Variants in KRI1 observed in about 807,000 individuals in gnomAD.
KRI1 encodes the protein KRI1 homolog, also known as protein KRI1 homolog.
A neutral mutation model predicts 97.0 loss-of-function variants in KRI1; 83 were observed. The ratio of observed to expected loss-of-function variants is 0.86; its 90% CI spans 0.72 to 1.03. The LOEUF (loss-of-function observed/expected upper bound fraction) is 1.03. Ranked by LOEUF, KRI1 falls within the 50% of genes least tolerant of loss-of-function variation. The pLI is 0.00. For synonymous variants in KRI1, 371 were observed against 363.5 expected, an observed-to-expected ratio of 1.02 and a Z score of -0.23; for missense variants, 916 against 928.4, an observed-to-expected ratio of 0.99 and a Z score of 0.17.
rs531278254 is a variant in KRI1 at position 10,555,931 on chromosome 19, C to G, written c.1618-582G>C. On this transcript the variant is annotated intron_variant, in intron 16 of 18. Transcript: ENST00000312962. Reference sequence around the variant, plus strand: ...CTCATTTCTGTTCCTTCCATAGTCACCAAAGTTGGGGTGCTATCAATTATT... The same window carrying G: ...CTCATTTCTGTTCCTTCCATAGTCAGCAAAGTTGGGGTGCTATCAATTATT... Among the ~76,000 whole-genome samples the G allele has an allele frequency of 2.0e-5, 3 of 152,298 alleles. No homozygotes were observed. The East Asian group carries it at 5.8e-4, about 29-fold the overall frequency.
intron 4 of KRI1, 109 bp from the exon 5 acceptor site, chr19:10,561,954 G>C: frequency 1.1e-6 from 1 of 927,978 alleles, no homozygotes; most frequent in South Asian, 1.4e-5. Flanking sequence ...TCATCGGAGG[G>C]CTATGGAATC....
Position 10,561,196 on chromosome 19 carries a change from C to T in KRI1, c.558G>A (p.Gln186=). The change falls in exon 7 of 19, where the codon CAG becomes CAA. Residue 186 remains glutamine (Q), a synonymous_variant. Transcript: ENST00000312962. The part of the protein sequence containing the change: ...GAGEGGSSLL[Q]KRAKTRQEKA... ...TCTCCTGCCTGGTTTTGGCACGTTT[C>T]TGCAGCAAACTGGAGCCGCCCTCCC... 1 of 1,614,140 alleles carries T rather than the reference C, an allele frequency of 6.2e-7. No homozygotes were observed. The highest frequency in any genetic ancestry group is 1.7e-5 in the Admixed American group (1 of 59,996).
Position 10,562,798 on chromosome 19 carries a change from T to C in KRI1, c.314A>G (p.Glu105Gly). 1 of 1,613,498 alleles carries C rather than the reference T, an allele frequency of 6.2e-7. No individual in the cohort carries two copies. The highest frequency in any genetic ancestry group is 8.5e-7 in the Non-Finnish European group (1 of 1,179,430). Reference protein sequence around the residue: ...SDSEEDPEALEKQKKVRPMYL... With the variant: ...SDSEEDPEALGKQKKVRPMYL... ...CATGGGCCGCACTTTCTTCTGCTTC[T>C]CCAAGGCTTCTGGGTCCTCCTCACT... The change falls in exon 4 of 19, where the codon GAG (glutamate) becomes GGG (glycine). Residue 105 changes from glutamate (E) to glycine (G), a missense_variant. Glu to Gly is a moderately conservative substitution (Grantham distance 98). Transcript: ENST00000312962.
intron 6 of KRI1, 92 bp downstream of exon 6, chr19:10,561,575 G>C: frequency 5.7e-6 from 7 of 1,226,440 alleles, no homozygotes; most frequent in South Asian, 2.4e-5. Flanking sequence ...GAAGCACATA[G>C]AAAGTGACAG....
At chr19:10,565,130 G>A (rs1158076110) in intron 2 of KRI1, 96 bp from the exon 3 acceptor site, 4 of 819,746 alleles carry the variant, frequency 4.9e-6, no homozygotes, top group Admixed American at 4.3e-5. Flanking sequence ...TAGGATGGAG[G>A]GGGGTGGATC....
intron 4 of KRI1, 129 bp from the exon 5 acceptor site, chr19:10,561,974 C>G: frequency 1.3e-6 from 1 of 759,356 alleles, no homozygotes; most frequent in Non-Finnish European, 2.2e-6. Context: ...CACTGAGACT[C>G]CTGCTCTCAG....
Position 10,557,569 on chromosome 19 carries a change from CAA to C in KRI1, c.1598_1599del (p.Phe533TrpfsTer5). The C allele has an allele frequency of 1.2e-6, 2 of 1,614,078 alleles. No homozygotes were observed. Among genetic ancestry groups the C allele is most frequent in the Non-Finnish European group, 1.7e-6 (2 of 1,179,956 alleles). On this transcript the variant is annotated frameshift_variant, in exon 16 of 19. Transcript: ENST00000312962. LOFTEE classifies it high-confidence loss of function. ...GCCCCTACCTCCTCAGTGCTGAGGC[CAA>C]AGTCACAGGGCACCACTGTGCGGTA... ...FKYRTVVPCD[F>X]GLSTEEILAA...
intron 4 of KRI1, among the ~76,000 whole-genome samples, chr19:10,562,152 G>A (rs902885914): frequency 2.6e-5 from 4 of 151,512 alleles, no homozygotes; most frequent in African/African-American, 7.3e-5. Flanking sequence ...AGATTCAAGC[G>A]ATTCTCCTGC....
At chr19:10,561,401 C>A in intron 6 of KRI1, 136 bp from the exon 7 acceptor site, 1 of 864,374 alleles carries the variant, frequency 1.2e-6, no homozygotes, top group Non-Finnish European at 1.8e-6. Flanking sequence ...CTCAAGTGAT[C>A]CTCCCTCCTC....
At position 10,554,266 on chromosome 19, in the gene KRI1, C is replaced by G. The variant is rs765670732; in HGVS notation, c.1797G>C (p.Ala599=). ...SLCREEAETP[A]EATGKPQRDE... is the part of the protein sequence containing the mutation. Reference sequence around the variant, plus strand: ...CTCTCTGTGGCTTCCCTGTGGCTTCCGCAGGTGTCTCTGCCCTGAGGGAGA... The same window carrying G: ...CTCTCTGTGGCTTCCCTGTGGCTTCGGCAGGTGTCTCTGCCCTGAGGGAGA... The change falls in exon 19 of 19, where the codon GCG becomes GCC. Residue 599 remains alanine (A), a synonymous_variant. Transcript: ENST00000312962. 1.9e-6 allele frequency: 3 copies of G among 1,613,718 alleles called. No homozygotes were observed. Among genetic ancestry groups the G allele is most frequent in the Non-Finnish European group, 2.5e-6 (3 of 1,180,004 alleles).
Position 10,565,930 on chromosome 19 carries a change from G to A in KRI1, c.70C>T (p.Arg24Trp), listed in dbSNP as rs1307025349. The A allele has an allele frequency of 1.0e-5, 16 of 1,534,428 alleles. No individual in the cohort carries two copies. The highest frequency in any genetic ancestry group is 1.4e-5 in the Non-Finnish European group (16 of 1,141,398). Residue 24 changes from arginine (R) to tryptophan (W), a missense_variant, in exon 1 of 19, where the codon CGG (arginine) becomes TGG (tryptophan). Physicochemically the swap from Arg to Trp is moderately radical, Grantham distance 101. This residue lies in a region of KRI1 where 173 missense variants were observed against 153.1 expected (regional missense o/e 1.13). Coordinates refer to ENST00000312962, the MANE Select transcript of KRI1 (RefSeq NM_023008.5). Reference sequence around the variant, plus strand: ...CGCCGCTGCAGTTCCTCGCGCTCCCGGTAGCGGTTGTACCGCGCGGCAAAC... The same window carrying A: ...CGCCGCTGCAGTTCCTCGCGCTCCCAGTAGCGGTTGTACCGCGCGGCAAAC... ...AAFAARYNRY[R>W]EREELQRLKD... is the part of the protein sequence containing the mutation.
chr19:10,565,617 C>T (rs1916841335), intron 2 of KRI1, 100 bp downstream of exon 2: 2 of 1,411,922 alleles, frequency 1.4e-6, no homozygotes, highest in Non-Finnish European at 1.9e-6. Context: ...TCCCGCAGGG[C>T]GCTCTGGGGT....
chr19:10,554,117 C>T lies in KRI1; in HGVS notation c.1946G>A (p.Arg649Gln), dbSNP rs190575647. 1.5e-4 allele frequency: 237 copies of T among 1,614,188 alleles called. 3 individuals are homozygous for T. The East Asian group carries it at 2.8e-3, about 19-fold the overall frequency. The change falls in exon 19 of 19, where the codon CGG (arginine) becomes CAG (glutamine). Residue 649 changes from arginine (R) to glutamine (Q), a missense_variant. By Grantham distance (43) the Arg-to-Gln change is conservative. This residue lies in a region of KRI1 where 672 missense variants were observed against 667.2 expected (regional missense o/e 1.01). Transcript: ENST00000312962. ...SPHKKPAPQK[R>Q]RRAKKARLLG... is the part of the protein sequence containing the mutation. ...CAGCCGTGCCTTCTTGGCCCTCCTCCGCTTCTGGGGGGCTGGCTTCTTGTG... is the reference window on the plus strand; with the variant it reads ...CAGCCGTGCCTTCTTGGCCCTCCTCTGCTTCTGGGGGGCTGGCTTCTTGTG...
chr19:10,557,047 T>C (rs951561959), intron 16 of KRI1, among the ~76,000 whole-genome samples: 1 of 151,904 alleles, frequency 6.6e-6, no homozygotes, highest in African/African-American at 2.4e-5. Flanking sequence ...CCCCACCTTG[T>C]AGAAGGTAGT....
At chr19:10,564,816 G>C (rs1252581554) in intron 3 of KRI1, 113 bp downstream of exon 3, 6 of 767,898 alleles carry the variant, frequency 7.8e-6, no homozygotes, top group Non-Finnish European at 1.4e-5. Flanking sequence ...ATACTTTACA[G>C]ACAGGAAAAG....
At position 10,557,679 on chromosome 19, in the gene KRI1, T is replaced by C. The variant is rs375924872; in HGVS notation, c.1490A>G (p.Asp497Gly). The C allele has an allele frequency of 9.5e-5, 154 of 1,614,014 alleles. No individual in the cohort carries two copies. Among genetic ancestry groups the C allele is most frequent in the Non-Finnish European group, 1.2e-4 (145 of 1,180,002 alleles). Residue 497 changes from aspartate (D) to glycine (G), a missense_variant, in exon 16 of 19, where the codon GAC becomes GGC. This residue lies in a region of KRI1 where 672 missense variants were observed against 667.2 expected (regional missense o/e 1.01). Coordinates refer to ENST00000312962, the MANE Select transcript of KRI1 (RefSeq NM_023008.5). Reference protein sequence around the residue: ...GQEKPVFEPGDKTFEEYLDEY... With the variant: ...GQEKPVFEPGGKTFEEYLDEY... ...ATCCAGGTACTCCTCGAACGTCTTG[T>C]CCCCTGCTCGAGACAGAGCCAGGCT...
At chr19:10,560,012 C>T (rs910055121) in intron 9 of KRI1, 76 bp from the exon 10 acceptor site, 14 of 1,542,256 alleles carry the variant, frequency 9.1e-6, no homozygotes, top group Non-Finnish European at 1.2e-5. Flanking sequence ...CGCCTGGGTA[C>T]GAAGCGTATG....
chr19:10,565,274 G>T (rs897029148), intron 2 of KRI1: 5 of 569,912 alleles, frequency 8.8e-6, no homozygotes, highest in Non-Finnish European at 1.6e-5. Context: ...GTAATTCCTG[G>T]GGAAGACAAA....
In KRI1 at chr19:10,561,043, C is replaced by G. The variant is rs1395075042; in HGVS notation, c.623G>C (p.Gly208Ala). ...EEADYIEWLK[G>A]QKEIRNPDSL... ...ATCTGGGTTCCGAATCTCTTTCTGT[C>G]CCTTCAGCCACTCGATGTAGTCGGC... is the stretch of plus-strand genomic sequence containing the variant. Residue 208 changes from glycine to alanine, a missense_variant, in exon 8 of 19, where the codon GGA (glycine) becomes GCA (alanine). Gly to Ala is a moderately conservative substitution (Grantham distance 60). Transcript: ENST00000312962. 6.2e-7 allele frequency: 1 copy of G among 1,614,080 alleles called. No homozygotes were observed. The highest frequency in any genetic ancestry group is 1.3e-5 in the African/African-American group (1 of 74,928).
Sources: gnomAD v4.1 joint callset for allele counts (sites outside exome capture counted in the v4.1 genomes callset) on GRCh38, gnomAD v4.1.1 for gene constraint, gnomAD v4.1.1 regional missense constraint, MANE v1.5 for transcripts, NCBI Gene and HGNC (gene_info 2026-07-23, HGNC 2026-07-21) for gene names.